STIM1: variants seen among roughly 807,000 people sequenced by gnomAD.
The protein encoded by STIM1 is stromal interaction molecule 1.
A neutral mutation model predicts 74.7 loss-of-function variants in STIM1; 25 were observed. The observed-to-expected ratio is 0.33, with a 90% CI of 0.24 to 0.47. The LOEUF (loss-of-function observed/expected upper bound fraction) is 0.47, where lower values mean the gene tolerates loss of function less well. Ranked by LOEUF, STIM1 falls within the 20% of genes least tolerant of loss-of-function variation. STIM1 has a pLI of 1.00. For synonymous variants in STIM1, 328 were observed against 348.8 expected, an observed-to-expected ratio of 0.94 and a Z score of 0.66; for missense variants, 728 against 920.8, an observed-to-expected ratio of 0.79 and a Z score of 2.71.
chr11:3,986,152 C>A (rs1264480074), intron 2 of STIM1, among the ~76,000 whole-genome samples: 1 of 151,802 alleles, frequency 6.6e-6, no homozygotes, highest in Non-Finnish European at 1.5e-5. Context: ...TCACATATTA[C>A]TGAGGCAAAA....
chr11:3,981,689 GTA>G (rs1230782486), intron 2 of STIM1, among the ~76,000 whole-genome samples: 2 of 152,120 alleles, frequency 1.3e-5, no homozygotes, highest in African/African-American at 4.8e-5. Context: ...AGATATGTTA[GTA>G]TATGACCTAT....
At chr11:4,007,800 G>A (rs2093797782) in intron 2 of STIM1, among the ~76,000 whole-genome samples, 1 of 152,206 alleles carries the variant, frequency 6.6e-6, no homozygotes, top group African/African-American at 2.4e-5. Flanking sequence ...AATGTGGGCT[G>A]TATAAATGCA....
rs899297883 is a variant in STIM1 at position 3,892,775 on chromosome 11, G to A, written c.139+36366G>A. ...AAATCCTTTCTCTCCAGTGCTCAGA[G>A]CACGAAAGTTTTCTGCTGTCTTTGG... On this transcript the variant is annotated intron_variant, in intron 1 of 12. Coordinates refer to ENST00000526596, the MANE Select transcript of STIM1 (RefSeq NM_001382567.1). 51 of 1,613,126 alleles carry A rather than the reference G, an allele frequency of 3.2e-5. No individual in the cohort carries two copies. The African/African-American group carries it at 6.4e-4, about 20-fold the overall frequency.
At chr11:4,002,137 G>C (rs1477611190) in intron 2 of STIM1, among the ~76,000 whole-genome samples, 2 of 143,090 alleles carry the variant, frequency 1.4e-5, no homozygotes, top group African/African-American at 5.3e-5. Context: ...CAATAATAAT[G>C]GGAGACTTTA....
chr11:3,863,548 G>C (rs2090727496), intron 1 of STIM1, among the ~76,000 whole-genome samples: 1 of 152,168 alleles, frequency 6.6e-6, no homozygotes, highest in Admixed American at 6.5e-5. Context: ...ATGAGCCACT[G>C]TGCCCCAGCC....
chr11:4,010,659 G>A (rs1565147336), intron 2 of STIM1, among the ~76,000 whole-genome samples: 2 of 152,050 alleles, frequency 1.3e-5, no homozygotes, highest in East Asian at 3.9e-4. Context: ...AAAGTAGCTT[G>A]CCCAAAAGTC....
At chr11:3,866,685 A>G (rs987634443) in intron 1 of STIM1, among the ~76,000 whole-genome samples, 2 of 152,004 alleles carry the variant, frequency 1.3e-5, no homozygotes, top group African/African-American at 4.8e-5. Context: ...TCGGCCTCTC[A>G]AGATATGTCT....
Position 4,086,549 on chromosome 11 carries a change from T to C in STIM1, c.1634+6T>C. 1.2e-6 allele frequency: 2 copies of C among 1,614,050 alleles called. No individual in the cohort carries two copies. The highest frequency in any genetic ancestry group is 1.7e-6 in the Non-Finnish European group (2 of 1,179,992). On this transcript the variant is annotated splice_donor_region_variant and intron_variant, in intron 12 of 12. Transcript: ENST00000526596. ...CATGGCCTGGGATCTCAGAGGTTGGTAGAGGGCGAGGCTGGCCACTTCTTG... is the reference window on the plus strand; with the variant it reads ...CATGGCCTGGGATCTCAGAGGTTGGCAGAGGGCGAGGCTGGCCACTTCTTG...
chr11:3,951,224 G>C (rs1434434519), intron 1 of STIM1, among the ~76,000 whole-genome samples: 1 of 152,224 alleles, frequency 6.6e-6, no homozygotes, highest in East Asian at 1.9e-4. Context: ...CATCCTGTAA[G>C]GAAGGGCTGC....
intron 2 of STIM1, among the ~76,000 whole-genome samples, chr11:3,989,704 A>G (rs1403954450): frequency 6.6e-6 from 1 of 152,242 alleles, no homozygotes; most frequent in Non-Finnish European, 1.5e-5. Context: ...GTAAAGTTTT[A>G]TTGGCATACA....
Position 4,007,190 on chromosome 11 carries a change from T to A in STIM1, c.271-16683T>A, listed in dbSNP as rs2093790541. Among the ~76,000 whole-genome samples, 2 of 152,146 alleles carry A rather than the reference T, an allele frequency of 1.3e-5. 1 individual carries two copies. The highest frequency in any genetic ancestry group is 4.8e-5 in the African/African-American group (2 of 41,422). On this transcript the variant is annotated intron_variant, in intron 2 of 12. Coordinates refer to ENST00000526596, the MANE Select transcript of STIM1 (RefSeq NM_001382567.1). The stretch of plus-strand genomic sequence containing the variant: ...CTGGTAGCTTGGCTCTTTGTAGAAC[T>A]ATTGAGCTGTATAGTTCTAGCCAAT...
At chr11:4,018,688 C>G (rs1322630978) in intron 2 of STIM1, among the ~76,000 whole-genome samples, 1 of 149,016 alleles carries the variant, frequency 6.7e-6, no homozygotes, top group Non-Finnish European at 1.5e-5. Context: ...GATCTGTGTT[C>G]TGGAACCCTG....
chr11:3,951,215 A>G (rs2093143668), intron 1 of STIM1, among the ~76,000 whole-genome samples: 2 of 152,198 alleles, frequency 1.3e-5, no homozygotes, highest in South Asian at 4.1e-4. Flanking sequence ...TGAGAAAGGC[A>G]TCCTGTAAGG....
chr11:3,937,517 G>T (rs950260265), intron 1 of STIM1, among the ~76,000 whole-genome samples: 1 of 152,074 alleles, frequency 6.6e-6, no homozygotes, highest in African/African-American at 2.4e-5. Flanking sequence ...GCTTCTGTTG[G>T]TGTTGCACAG....
chr11:3,995,690 G>A (rs1240693072), intron 2 of STIM1, among the ~76,000 whole-genome samples: 1 of 152,040 alleles, frequency 6.6e-6, no homozygotes, highest in Non-Finnish European at 1.5e-5. Flanking sequence ...TTTCACCCAG[G>A]CTAGAGTGCA....
At chr11:4,007,708 G>A (rs749680479) in intron 2 of STIM1, among the ~76,000 whole-genome samples, 1 of 152,116 alleles carries the variant, frequency 6.6e-6, no homozygotes, top group Non-Finnish European at 1.5e-5. Flanking sequence ...TATCTGAATT[G>A]TGCTTTCAAA....
At chr11:3,999,224 G>A (rs151252878) in intron 2 of STIM1, among the ~76,000 whole-genome samples, 260 of 152,312 alleles carry the variant, frequency 1.7e-3, no homozygotes, top group East Asian at 0.013. Flanking sequence ...TGTAGTCCAA[G>A]CTACTCGGGA....
At chr11:4,010,140 C>T (rs1380695017) in intron 2 of STIM1, among the ~76,000 whole-genome samples, 5 of 150,920 alleles carry the variant, frequency 3.3e-5, no homozygotes, top group Non-Finnish European at 7.4e-5. Context: ...AAAAGATAGC[C>T]TGAGAAGGTG....
In STIM1 at chr11:4,086,709, T is replaced by TACC. The variant is rs753506968; in HGVS notation, c.1634+185_1634+187dup. The TACC allele has an allele frequency of 4.9e-5, 76 of 1,538,190 alleles. No individual in the cohort carries two copies. Among genetic ancestry groups the TACC allele is most frequent in the East Asian group, 2.0e-4 (8 of 40,920 alleles). Reference sequence around the variant, plus strand: ...CCTCTTCCATCACCACCATCACCACTACCACCACCACCACCACCACCTTCA... The same window carrying TACC: ...CCTCTTCCATCACCACCATCACCACTACCACCACCACCACCACCACCACCTTCA... On this transcript the variant is annotated intron_variant, in intron 12 of 12. Coordinates refer to ENST00000526596, the MANE Select transcript of STIM1 (RefSeq NM_001382567.1).
Sources: gnomAD v4.1 joint callset for allele counts (sites outside exome capture counted in the v4.1 genomes callset) on GRCh38, gnomAD v4.1.1 for gene constraint, MANE v1.5 for transcripts, NCBI Gene and HGNC (gene_info 2026-07-23, HGNC 2026-07-21) for gene names.